Variants in DPP6 observed in about 807,000 individuals in gnomAD.
DPP6 encodes the protein dipeptidyl peptidase like 6.
Under a neutral mutation model 122.6 loss-of-function variants are expected in DPP6, and 69 were observed. The ratio of observed to expected loss-of-function variants is 0.56; its 90% CI spans 0.46 to 0.69. The LOEUF (loss-of-function observed/expected upper bound fraction) is 0.69, where lower values mean the gene tolerates loss of function less well. Among genes scored for constraint, DPP6 ranks in the 30% least tolerant of loss-of-function variants. The pLI is 0.00. For synonymous variants in DPP6, 418 were observed against 433.1 expected, an observed-to-expected ratio of 0.97 and a Z score of 0.43; for missense variants, 928 against 1,116.9, an observed-to-expected ratio of 0.83 and a Z score of 2.41.
At chr7:153,787,198 C>G in the DPP6 span, among the ~76,000 whole-genome samples, 104 of 140,982 alleles carry the variant, frequency 7.4e-4, no homozygotes, top group Middle Eastern at 4.0e-3. Flanking sequence ...GATCCACCCG[C>G]CTCGGCCTCC....
At chr7:154,687,567 C>T (rs1004211298) in intron 7 of DPP6, among the ~76,000 whole-genome samples, 6 of 152,022 alleles carry the variant, frequency 3.9e-5, no homozygotes, top group East Asian at 1.9e-4. Flanking sequence ...CTTATTGATG[C>T]GCATCATTTC....
At chr7:153,792,277 C>A in the DPP6 span, among the ~76,000 whole-genome samples, 2 of 152,156 alleles carry the variant, frequency 1.3e-5, no homozygotes, top group Non-Finnish European at 2.9e-5. Context: ...ACAAAAATAT[C>A]TTCTAGGACT....
At chr7:154,392,597 A>G (rs1179174692) in intron 1 of DPP6, among the ~76,000 whole-genome samples, 2 of 152,186 alleles carry the variant, frequency 1.3e-5, no homozygotes, top group Non-Finnish European at 2.9e-5. Context: ...ATGTTGGACC[A>G]ATACCTCGTA....
At chr7:154,716,272 G>C (rs1186045365) in intron 7 of DPP6, among the ~76,000 whole-genome samples, 5 of 151,838 alleles carry the variant, frequency 3.3e-5, no homozygotes, top group South Asian at 2.1e-4. Context: ...GGAACACAAG[G>C]CTTCTCCCAC....
Position 154,830,381 on chromosome 7 carries a change from G to A in DPP6, c.1666+23269G>A, listed in dbSNP as rs76124025. ...ACTCGGGGGACTGGGGGGCCATGCC[G>A]GGGGCAGTTTGGTCCAACAAAGAAG... On this transcript the variant is annotated intron_variant, in intron 16 of 25. Transcript: ENST00000377770. Among the ~76,000 whole-genome samples, 1,361 of 152,308 alleles carry A rather than the reference G, an allele frequency of 8.9e-3. 16 individuals carry two copies. Among genetic ancestry groups the A allele is most frequent in the African/African-American group, 0.031 (1,290 of 41,562 alleles).
At chr7:154,769,383 A>C (rs748710086) in intron 8 of DPP6, 34 bp from the exon 9 acceptor site, 3 of 1,611,502 alleles carry the variant, frequency 1.9e-6, no homozygotes, top group Non-Finnish European at 2.5e-6. Flanking sequence ...CTCACTTGTT[A>C]CTATTCACAT....
intron 16 of DPP6, among the ~76,000 whole-genome samples, chr7:154,812,994 T>A (rs1416868953): frequency 6.6e-6 from 1 of 152,158 alleles, no homozygotes; most frequent in Non-Finnish European, 1.5e-5. Context: ...TTCCTTAAAA[T>A]TTTTTATTGT....
At chr7:153,763,550 A>T in the DPP6 span, among the ~76,000 whole-genome samples, 1 of 152,106 alleles carries the variant, frequency 6.6e-6, no homozygotes, top group South Asian at 2.1e-4. Context: ...GGGAACAAGG[A>T]AAAAAAGATG....
the DPP6 span, among the ~76,000 whole-genome samples, chr7:153,753,714 A>C: frequency 6.6e-6 from 1 of 152,108 alleles, no homozygotes. Flanking sequence ...AGTAGATGCA[A>C]AACTTTGGCT....
chr7:154,748,107 C>T (rs572667240), intron 8 of DPP6, among the ~76,000 whole-genome samples: 3 of 152,300 alleles, frequency 2.0e-5, no homozygotes, highest in East Asian at 1.9e-4. Flanking sequence ...CTCCCGCTTC[C>T]GGCAAGGAGA....
At chr7:154,068,449 T>TA (rs1188625661) in intron 1 of DPP6, among the ~76,000 whole-genome samples, 2 of 144,198 alleles carry the variant, frequency 1.4e-5, no homozygotes, top group Admixed American at 7.0e-5. Context: ...AAGCTACCTC[T>TA]AAGAAAGCAA....
chr7:154,563,987 A>T (rs938297991), intron 4 of DPP6, among the ~76,000 whole-genome samples: 2 of 152,146 alleles, frequency 1.3e-5, no homozygotes, highest in Non-Finnish European at 2.9e-5. Context: ...GAGCACTCCA[A>T]CATTCAGAGC....
At chr7:154,051,911 C>T (rs1360663591), upstream of DPP6, among the ~76,000 whole-genome samples, 1 of 151,738 alleles carries the variant, frequency 6.6e-6, no homozygotes, top group Non-Finnish European at 1.5e-5. Context: ...GGCTCTCCCA[C>T]GCCCCATTCG....
intron 18 of DPP6, among the ~76,000 whole-genome samples, chr7:154,868,717 G>A (rs932936785): frequency 1.2e-4 from 19 of 152,134 alleles, no homozygotes; most frequent in African/African-American, 4.1e-4. Flanking sequence ...GCAGAGCCTC[G>A]GAGCCTCAAC....
At chr7:154,511,122 G>A (rs549297078) in intron 3 of DPP6, among the ~76,000 whole-genome samples, 2 of 152,310 alleles carry the variant, frequency 1.3e-5, no homozygotes, top group African/African-American at 2.4e-5. Context: ...TAGGAAGGGA[G>A]GGAAGATTGT....
rs939424580 is a variant in DPP6 at position 154,241,615 on chromosome 7, C to T, written c.243+188552C>T. On this transcript the variant is annotated intron_variant, in intron 1 of 25. Transcript: ENST00000377770. This position sits in a 1 kb window ranked among gnomAD's most constrained non-coding sequence, Gnocchi z 9.0. ...TCCCCATCTACTCCAAAATGCCTCC[C>T]TATTTATTCTTATATTGATTAATGT... 5.9e-5 allele frequency among the ~76,000 whole-genome samples: 9 copies of T among 152,170 alleles called. No individual in the cohort carries two copies. The highest frequency in any genetic ancestry group is 2.2e-4 in the African/African-American group (9 of 41,524).
chr7:154,774,148 C>T (rs1796425262), intron 10 of DPP6, among the ~76,000 whole-genome samples: 1 of 152,186 alleles, frequency 6.6e-6, no homozygotes, highest in South Asian at 2.1e-4. Flanking sequence ...GGGCCTGTGG[C>T]TCTAGAGGTT....
At chr7:153,748,395 G>A in the DPP6 span, among the ~76,000 whole-genome samples, 1 of 136,344 alleles carries the variant, frequency 7.3e-6, no homozygotes, top group Non-Finnish European at 1.6e-5. Context: ...ACTGATGACC[G>A]CTCCAGCCTG....
intron 1 of DPP6, among the ~76,000 whole-genome samples, chr7:154,427,042 G>T (rs896952956): frequency 1.3e-5 from 2 of 151,938 alleles, no homozygotes; most frequent in African/African-American, 2.4e-5. Context: ...AAATAATTTT[G>T]GTGAGCGTGT....
Sources: allele counts gnomAD v4.1 joint callset (sites outside exome capture counted in the v4.1 genomes callset), GRCh38; gene constraint gnomAD v4.1.1; non-coding constraint Gnocchi (gnomAD v3.1); transcripts MANE v1.5; gene names NCBI Gene and HGNC (gene_info 2026-07-23, HGNC 2026-07-21).